The following AGBL1 variants were observed in gnomAD, a reference collection of about 807,000 sequenced individuals.
The protein encoded by AGBL1 is cytosolic carboxypeptidase 4.
AGBL1 carries 130 observed loss-of-function variants against 118.9 expected under a neutral mutation model. That is an observed-to-expected ratio of 1.09 (90% CI 0.95 to 1.26). The LOEUF is 1.26. AGBL1 is among the 50% of genes most tolerant of loss of function. The pLI is 0.00. For synonymous variants in AGBL1, 555 were observed against 478.9 expected (o/e 1.16, Z -2.08); for missense variants, 1,584 against 1,298.1 (o/e 1.22, Z -3.38).
At chr15:86,104,187 G>A (rs962893803) in intron 1 of AGBL1, among the ~76,000 whole-genome samples, 8 of 152,002 alleles carry the variant, frequency 5.3e-5, no homozygotes, top group African/African-American at 1.9e-4. Context: ...TGGTATTGGG[G>A]AGGATAAAGA....
intron 22 of AGBL1, among the ~76,000 whole-genome samples, chr15:86,811,812 A>G (rs1220192253): frequency 1.3e-5 from 2 of 152,184 alleles, no homozygotes. Flanking sequence ...ACCTGTCAAT[A>G]AATTTGGAAG....
At chr15:86,534,602 T>G (rs1406837695) in intron 19 of AGBL1, among the ~76,000 whole-genome samples, 1 of 152,188 alleles carries the variant, frequency 6.6e-6, no homozygotes, top group African/African-American at 2.4e-5. Flanking sequence ...CTGTCTCTTT[T>G]GTTTGTTAGA....
intron 22 of AGBL1, among the ~76,000 whole-genome samples, chr15:86,736,809 C>G (rs1282476337): frequency 1.3e-5 from 2 of 152,116 alleles, no homozygotes; most frequent in Non-Finnish European, 2.9e-5. Context: ...TGAGGGTACC[C>G]TTTGAACATT....
chr15:86,765,809 A>C (rs1348536263), intron 22 of AGBL1, among the ~76,000 whole-genome samples: 1 of 151,976 alleles, frequency 6.6e-6, no homozygotes, highest in African/African-American at 2.4e-5. Flanking sequence ...ATTTATAACC[A>C]AAGGACAGAT....
intron 18 of AGBL1, among the ~76,000 whole-genome samples, chr15:86,495,089 C>CT (rs60221435): frequency 0.43 from 64,383 of 150,538 alleles, 14,993 homozygotes; most frequent in East Asian, 0.68. Flanking sequence ...TAGTGCGCTC[C>CT]GTCTGTCTCG....
Position 86,645,725 on chromosome 15 carries a change from G to T in AGBL1, c.2995-28548G>T, listed in dbSNP as rs546761612. Among the ~76,000 whole-genome samples, 21 of 152,302 alleles carry T rather than the reference G, an allele frequency of 1.4e-4. No homozygotes were observed. The South Asian group carries it at 4.1e-3, about 30-fold the overall frequency. ...CTCTAATCTTAGAAATGTCAAGGAGGTCAAGTACTCAGTCCAAGTTCACAG... is the reference window on the plus strand; with the variant it reads ...CTCTAATCTTAGAAATGTCAAGGAGTTCAAGTACTCAGTCCAAGTTCACAG... On this transcript the variant is annotated intron_variant, in intron 21 of 22. Coordinates refer to ENST00000614907, the MANE Select transcript of AGBL1 (RefSeq NM_001386094.1).
intron 19 of AGBL1, among the ~76,000 whole-genome samples, chr15:86,545,012 C>T (rs2083560444): frequency 6.6e-6 from 1 of 152,162 alleles, no homozygotes; most frequent in Admixed American, 6.5e-5. Context: ...ACGTACTTAC[C>T]TACACCACTG....
At chr15:86,848,865 A>G (rs984870887) in intron 22 of AGBL1, among the ~76,000 whole-genome samples, 2 of 152,218 alleles carry the variant, frequency 1.3e-5, no homozygotes, top group African/African-American at 4.8e-5. Context: ...ATAATAGCCA[A>G]TATTTCTCGA....
intron 22 of AGBL1, among the ~76,000 whole-genome samples, chr15:86,714,234 G>A (rs548666073): frequency 2.0e-5 from 3 of 152,282 alleles, no homozygotes; most frequent in South Asian, 4.1e-4. Flanking sequence ...GCAGAGGATG[G>A]CAAAGGCACA....
At chr15:87,017,274 C>CA (rs955172484) in intron 24 of AGBL1, among the ~76,000 whole-genome samples, 33 of 151,818 alleles carry the variant, frequency 2.2e-4, no homozygotes, top group African/African-American at 5.3e-4. Context: ...ATTCTGCTAC[C>CA]AAAAAAAACC....
intron 22 of AGBL1, among the ~76,000 whole-genome samples, chr15:86,787,094 A>C (rs1215077321): frequency 6.6e-6 from 1 of 152,128 alleles, no homozygotes; most frequent in Non-Finnish European, 1.5e-5. Context: ...CAAATATTTA[A>C]TGGGTATTCT....
chr15:87,024,745 A>T (rs779253637), intron 24 of AGBL1, among the ~76,000 whole-genome samples: 9 of 152,054 alleles, frequency 5.9e-5, no homozygotes, highest in Non-Finnish European at 1.0e-4. Context: ...ACAAAATACT[A>T]GTTAACTGAA....
rs2141717885 is a variant in AGBL1, at chr15:86,279,728, G to A, written c.2165G>A (p.Ser722Asn). The A allele has an allele frequency of 1.2e-6, 2 of 1,613,812 alleles. No individual in the cohort carries two copies. The highest frequency in any genetic ancestry group is 1.7e-6 in the Non-Finnish European group (2 of 1,179,774). Residue 722 changes from serine (S) to asparagine (N), a missense_variant, in exon 16 of 23, where the codon AGT (serine) becomes AAT (asparagine). Coordinates refer to ENST00000614907, the MANE Select transcript of AGBL1 (RefSeq NM_001386094.1). ...ACCTTTGCTGTCACCTTCCCACACA[G>A]TGAGGATGTCTGCTACCTGGCCTAC... Reference protein sequence around the residue: ...TLTFAVTFPHSEDVCYLAYHY... With the variant: ...TLTFAVTFPHNEDVCYLAYHY...
chr15:86,278,337 C>G (rs2079291170), intron 15 of AGBL1, among the ~76,000 whole-genome samples: 1 of 152,116 alleles, frequency 6.6e-6, no homozygotes, highest in South Asian at 2.1e-4. Context: ...CTAGCATGAC[C>G]AAGGCTCCAG....
intron 10 of AGBL1, among the ~76,000 whole-genome samples, chr15:86,263,790 C>T (rs1219803972): frequency 6.6e-6 from 1 of 152,176 alleles, no homozygotes; most frequent in Non-Finnish European, 1.5e-5. Context: ...AATTTGCCTA[C>T]ATCTAAGGGT....
intron 5 of AGBL1, among the ~76,000 whole-genome samples, chr15:86,215,054 T>G (rs185355170): frequency 1.3e-5 from 2 of 152,210 alleles, no homozygotes; most frequent in African/African-American, 4.8e-5. Flanking sequence ...GTTCCATTTC[T>G]GCACCATATG....
intron 18 of AGBL1, among the ~76,000 whole-genome samples, chr15:86,500,696 C>T (rs1490967992): frequency 6.6e-6 from 1 of 151,704 alleles, no homozygotes; most frequent in Non-Finnish European, 1.5e-5. Context: ...AATGTGCTTC[C>T]CATGTCTACG....
At chr15:86,256,806 G>T in intron 7 of AGBL1, 47 bp from the exon 8 acceptor site, 1 of 1,599,748 alleles carries the variant, frequency 6.3e-7, no homozygotes, top group Non-Finnish European at 8.5e-7. Flanking sequence ...ACAGCTAGGG[G>T]ACTGTGCCCA....
intron 16 of AGBL1, among the ~76,000 whole-genome samples, chr15:86,284,924 C>G (rs2079417462): frequency 6.6e-6 from 1 of 152,112 alleles, no homozygotes; most frequent in East Asian, 1.9e-4. Flanking sequence ...AGAAGTCAGT[C>G]TCTCTGGGGG....
Sources: gnomAD v4.1 joint callset for allele counts (sites outside exome capture counted in the v4.1 genomes callset) on GRCh38, gnomAD v4.1.1 for gene constraint, MANE v1.5 for transcripts, NCBI Gene and HGNC (gene_info 2026-07-23, HGNC 2026-07-21) for gene names.